DPH6: variants seen among roughly 807,000 people sequenced by gnomAD.
The protein encoded by DPH6 is diphthamine biosynthesis 6, also known as diphthine--ammonia ligase.
A neutral mutation model predicts 38.2 loss-of-function variants in DPH6; 33 were observed. The observed-to-expected ratio is 0.86, with a 90% confidence interval of 0.65 to 1.15. DPH6 has a LOEUF of 1.15. DPH6 is among the 50% of genes most tolerant of loss of function. The pLI, the probability that DPH6 is intolerant of heterozygous loss-of-function variation, is 0.00. For missense variants in DPH6, 325 were observed against 320.0 expected (o/e 1.02, Z -0.12); for synonymous variants, 108 against 103.0 (o/e 1.05, Z -0.30).
intron 3 of DPH6, among the ~76,000 whole-genome samples, chr15:35,466,128 G>T (rs918626557): frequency 2.0e-5 from 3 of 152,138 alleles, no homozygotes; most frequent in African/African-American, 7.2e-5. Context: ...CTGAGCCTGG[G>T]AGACTGAGGC....
chr15:35,424,538 T>C (rs1023527670), intron 5 of DPH6, among the ~76,000 whole-genome samples: 3 of 151,626 alleles, frequency 2.0e-5, no homozygotes, highest in African/African-American at 2.4e-5. Flanking sequence ...AATTTGAATG[T>C]CTTTTATTTC....
intron 3 of DPH6, among the ~76,000 whole-genome samples, chr15:35,536,888 G>A (rs1282203511): frequency 6.6e-6 from 1 of 152,002 alleles, no homozygotes; most frequent in Non-Finnish European, 1.5e-5. Context: ...CTTCTACCTT[G>A]TTTGATAATC....
At chr15:35,538,565 G>T in intron 2 of DPH6, 98 bp from the exon 3 acceptor site, 2 of 1,046,072 alleles carry the variant, frequency 1.9e-6, no homozygotes, top group Non-Finnish European at 1.3e-6. Flanking sequence ...AGTCGACACA[G>T]AACTTGAAAG....
chr15:35,371,564 T>C lies in DPH6; in HGVS notation c.*586A>G, dbSNP rs548149550. 5.1e-6 allele frequency: 5 copies of C among 976,800 alleles called. No individual in the cohort carries two copies. The highest frequency in any genetic ancestry group is 1.2e-4 in the Admixed American group (2 of 16,198). The allele number at this position is 976,800 out of a possible 1,614,324, so 60.5% of individuals were successfully genotyped here. ...TTGTAAAAGTTTTCTAAGGTCAACA[T>C]AGTTAATACTGAAAAACAGCATTTT... On this transcript the variant is annotated 3_prime_UTR_variant, in exon 9 of 9. Coordinates refer to ENST00000256538, the MANE Select transcript of DPH6 (RefSeq NM_080650.4).
chr15:35,152,268 T>G, the DPH6 span, among the ~76,000 whole-genome samples: 2 of 152,160 alleles, frequency 1.3e-5, no homozygotes, highest in African/African-American at 4.8e-5. Context: ...CTTACTGTAT[T>G]AGTTCCTTGA....
At chr15:35,352,282 C>A (rs1049072689) in intron 3 of DPH6, among the ~76,000 whole-genome samples, 15 of 151,708 alleles carry the variant, frequency 9.9e-5, no homozygotes, top group African/African-American at 3.4e-4. Context: ...TGAACTCCTT[C>A]AATTTTTTTT....
intron 3 of DPH6, among the ~76,000 whole-genome samples, chr15:35,238,955 T>C (rs11635556): frequency 0.14 from 20,559 of 146,904 alleles, 2,646 homozygotes; most frequent in African/African-American, 0.33. Context: ...TATCTCCCTT[T>C]GCTGACTCTC....
intron 3 of DPH6, among the ~76,000 whole-genome samples, chr15:35,537,194 G>A (rs956906021): frequency 6.6e-6 from 1 of 152,044 alleles, no homozygotes; most frequent in Non-Finnish European, 1.5e-5. Context: ...CATTTAAGTA[G>A]CTACTTGAAA....
the DPH6 span, among the ~76,000 whole-genome samples, chr15:35,195,769 G>T: frequency 6.6e-6 from 1 of 152,128 alleles, no homozygotes; most frequent in Non-Finnish European, 1.5e-5. Flanking sequence ...CCAGGACCCT[G>T]CTCTGCTCTG....
intron 3 of DPH6, among the ~76,000 whole-genome samples, chr15:35,267,647 A>C (rs2051791481): frequency 6.6e-6 from 1 of 152,182 alleles, no homozygotes; most frequent in Admixed American, 6.5e-5. Context: ...GTTTTCGAGA[A>C]TAGCCTGATG....
chr15:35,447,452 C>T (rs1389051650), intron 5 of DPH6, among the ~76,000 whole-genome samples: 2 of 152,008 alleles, frequency 1.3e-5, no homozygotes, highest in Admixed American at 6.5e-5. Context: ...CCCGCCATTT[C>T]CATCTATTAC....
At chr15:35,329,570 T>C (rs2052311187), downstream of DPH6, among the ~76,000 whole-genome samples, 1 of 152,178 alleles carries the variant, frequency 6.6e-6, no homozygotes, top group Non-Finnish European at 1.5e-5. Context: ...GTATGCTACA[T>C]TCTCACAGCA....
At chr15:35,458,671 C>T (rs2054026510) in intron 3 of DPH6, among the ~76,000 whole-genome samples, 1 of 152,148 alleles carries the variant, frequency 6.6e-6, no homozygotes, top group South Asian at 2.1e-4. Flanking sequence ...AGCATAAAGA[C>T]AGCCAAATGA....
intron 6 of DPH6, among the ~76,000 whole-genome samples, chr15:35,386,978 T>C (rs1322028941): frequency 2.0e-5 from 3 of 152,254 alleles, no homozygotes; most frequent in Admixed American, 6.5e-5. Flanking sequence ...ATTTTAGGTC[T>C]AACATGTAAG....
intron 3 of DPH6, among the ~76,000 whole-genome samples, chr15:35,274,155 G>A (rs1458719450): frequency 1.3e-5 from 2 of 152,174 alleles, no homozygotes; most frequent in Non-Finnish European, 2.9e-5. Context: ...AATGGAGAAA[G>A]GATTTCCTAT....
chr15:35,432,482 T>G (rs1352052945), intron 5 of DPH6, among the ~76,000 whole-genome samples: 1 of 152,186 alleles, frequency 6.6e-6, no homozygotes, highest in Non-Finnish European at 1.5e-5. Flanking sequence ...TTATGGCAGT[T>G]GGGATGACAG....
intron 6 of DPH6, among the ~76,000 whole-genome samples, chr15:35,394,389 C>T (rs1371385582): frequency 6.6e-6 from 1 of 152,116 alleles, no homozygotes; most frequent in Non-Finnish European, 1.5e-5. Context: ...CCCAGCTGGG[C>T]AATGGAAATA....
chr15:35,332,097 T>G (rs2052330819), intron 3 of DPH6, among the ~76,000 whole-genome samples: 1 of 152,200 alleles, frequency 6.6e-6, no homozygotes, highest in South Asian at 2.1e-4. Context: ...TTGCTTCGAA[T>G]CAGCTTCTAG....
At chr15:35,435,745 T>G (rs1215840321) in intron 5 of DPH6, among the ~76,000 whole-genome samples, 1 of 152,132 alleles carries the variant, frequency 6.6e-6, no homozygotes, top group Non-Finnish European at 1.5e-5. Context: ...AAATCTTGCA[T>G]CATTTTGGTG....
Sources: gnomAD v4.1 joint callset for allele counts (sites outside exome capture counted in the v4.1 genomes callset) on GRCh38, gnomAD v4.1.1 for gene constraint, MANE v1.5 for transcripts, NCBI Gene and HGNC (gene_info 2026-07-23, HGNC 2026-07-21) for gene names.